The following PSD3 variants were observed in gnomAD, a reference collection of about 807,000 sequenced individuals.
PSD3 encodes PH and SEC7 domain-containing protein 3.
In PSD3, 49 loss-of-function variants were observed where a neutral mutation model predicts 105.5. The ratio of observed to expected loss-of-function variants is 0.46; its 90% CI spans 0.37 to 0.59. The LOEUF (loss-of-function observed/expected upper bound fraction) is 0.59. PSD3 is among the 20% of genes least tolerant of loss of function. The pLI is 0.00. For missense variants in PSD3, 1,561 were observed against 1,263.8 expected, an observed-to-expected ratio of 1.24 and a Z score of -3.57; for synonymous variants, 557 against 457.8, an observed-to-expected ratio of 1.22 and a Z score of -2.77.
At chr8:18,607,755 A>G (rs1250767101) in intron 11 of PSD3, among the ~76,000 whole-genome samples, 1 of 151,232 alleles carries the variant, frequency 6.6e-6, no homozygotes, top group Non-Finnish European at 1.5e-5. Context: ...GCTAATAAAG[A>G]TGTACCTATG....
chr8:18,592,755 A>G (rs947593860), intron 12 of PSD3, among the ~76,000 whole-genome samples: 1 of 152,122 alleles, frequency 6.6e-6, no homozygotes, highest in Admixed American at 6.6e-5. Flanking sequence ...CAGCAAAACT[A>G]CCCTTTAAAA....
In PSD3 at chr8:18,578,630, C is replaced by T. The variant is rs548409035; in HGVS notation, c.2482-3345G>A. Among the ~76,000 whole-genome samples, 70 of 152,038 alleles carry T rather than the reference C, an allele frequency of 4.6e-4. 2 individuals are homozygous for T. Among genetic ancestry groups the T allele is most frequent in the African/African-American group, 1.5e-3 (62 of 41,484 alleles). On this transcript the variant is annotated intron_variant, in intron 12 of 15. Coordinates refer to ENST00000327040, the MANE Select transcript of PSD3 (RefSeq NM_015310.4). Reference sequence around the variant, plus strand: ...ATTACTATTGAATGACTTAGACTGTCTCATTTGGAGCCACTATAAATATTC... The same window carrying T: ...ATTACTATTGAATGACTTAGACTGTTTCATTTGGAGCCACTATAAATATTC...
At chr8:18,643,640 G>T (rs991760674) in intron 10 of PSD3, among the ~76,000 whole-genome samples, 2 of 152,178 alleles carry the variant, frequency 1.3e-5, no homozygotes, top group African/African-American at 4.8e-5. Context: ...ACCAAATAGG[G>T]AAAACAACAT....
At chr8:18,862,537 C>CTGCT (rs1368734553) in intron 4 of PSD3, among the ~76,000 whole-genome samples, 17 of 152,118 alleles carry the variant, frequency 1.1e-4, no homozygotes, top group Non-Finnish European at 8.8e-5. Context: ...AGCCACAAGG[C>CTGCT]AGCAGACCTT....
chr8:18,651,779 G>C (rs1252952580), intron 10 of PSD3, among the ~76,000 whole-genome samples: 1 of 152,188 alleles, frequency 6.6e-6, no homozygotes, highest in South Asian at 2.1e-4. Context: ...TGTGAAGGAT[G>C]ATAGGCTTTG....
intron 1 of PSD3, among the ~76,000 whole-genome samples, chr8:18,987,597 C>A (rs908035541): frequency 2.0e-5 from 3 of 151,822 alleles, no homozygotes; most frequent in Non-Finnish European, 4.4e-5. Flanking sequence ...GGCAGAGGAT[C>A]ATTTGAAGCC....
At chr8:18,559,057 T>C (rs147429994) in intron 14 of PSD3, among the ~76,000 whole-genome samples, 1 of 152,314 alleles carries the variant, frequency 6.6e-6, no homozygotes, top group East Asian at 1.9e-4. Flanking sequence ...TTGTGGGATT[T>C]TTTTTCCCTG....
chr8:18,830,042 A>G (rs1813554493), intron 4 of PSD3, among the ~76,000 whole-genome samples: 2 of 152,108 alleles, frequency 1.3e-5, no homozygotes, highest in Admixed American at 1.3e-4. Flanking sequence ...ATCTCAGCTC[A>G]CTGTAACCTC....
intron 1 of PSD3, among the ~76,000 whole-genome samples, chr8:19,071,923 T>C (rs2129477963): frequency 6.6e-6 from 1 of 152,282 alleles, no homozygotes; most frequent in Non-Finnish European, 1.5e-5. Context: ...TTGGTCAGGC[T>C]GGTCTGGAAC....
At chr8:18,895,004 A>T (rs886816131) in intron 2 of PSD3, among the ~76,000 whole-genome samples, 1 of 152,242 alleles carries the variant, frequency 6.6e-6, no homozygotes, top group Non-Finnish European at 1.5e-5. Flanking sequence ...GTGACAGGCC[A>T]TGCTGTTACA....
chr8:18,741,542 G>C (rs1424880750), intron 9 of PSD3, among the ~76,000 whole-genome samples: 1 of 152,140 alleles, frequency 6.6e-6, no homozygotes, highest in Non-Finnish European at 1.5e-5. Flanking sequence ...CAAAGTATTT[G>C]GGAAATAGGA....
intron 4 of PSD3, among the ~76,000 whole-genome samples, chr8:18,812,694 T>G (rs912309733): frequency 1.3e-5 from 2 of 152,182 alleles, no homozygotes; most frequent in Non-Finnish European, 2.9e-5. Context: ...AGAAGTTCCA[T>G]TTTTGATGTG....
intron 1 of PSD3, among the ~76,000 whole-genome samples, chr8:19,049,520 C>T (rs1563530543): frequency 6.6e-6 from 1 of 151,808 alleles, no homozygotes; most frequent in Non-Finnish European, 1.5e-5. Context: ...CAAGACCCTA[C>T]CTCTGCAAAA....
At chr8:18,912,142 G>A (rs752510229) in intron 2 of PSD3, among the ~76,000 whole-genome samples, 7 of 152,150 alleles carry the variant, frequency 4.6e-5, no homozygotes, top group Admixed American at 1.3e-4. Flanking sequence ...GTCCATCTGA[G>A]AAGTTTTTGC....
intron 9 of PSD3, among the ~76,000 whole-genome samples, chr8:18,764,025 T>C (rs980414276): frequency 6.6e-6 from 1 of 152,214 alleles, no homozygotes; most frequent in Non-Finnish European, 1.5e-5. Context: ...CAGTAGCCTC[T>C]GGACTGTATA....
At position 18,600,393 on chromosome 8, in the gene PSD3, G is replaced by C; in HGVS notation, c.2452C>G (p.Leu818Val). The C allele has an allele frequency of 6.2e-7, 1 of 1,606,890 alleles. No individual in the cohort carries two copies. The highest frequency in any genetic ancestry group is 8.5e-7 in the Non-Finnish European group (1 of 1,178,278). Residue 818 changes from leucine (L) to valine (V), a missense_variant, in exon 12 of 16, where the codon CTG becomes GTG. Coordinates refer to ENST00000327040, the MANE Select transcript of PSD3 (RefSeq NM_015310.4). ...TGCAAGTAAAGAACTGTTCCCTTCA[G>C]TACAGCATAAAAGGTTTTCCATCCT... The part of the protein sequence containing the change: ...KRGWKTFYAV[L>V]KGTVLYLQKD...
At chr8:18,947,919 G>A (rs772942715) in intron 1 of PSD3, among the ~76,000 whole-genome samples, 1 of 152,154 alleles carries the variant, frequency 6.6e-6, no homozygotes, top group African/African-American at 2.4e-5. Flanking sequence ...ACTAAAGTAG[G>A]ATAGAGGGAT....
At chr8:18,956,555 A>T (rs1823586373) in intron 1 of PSD3, among the ~76,000 whole-genome samples, 1 of 152,204 alleles carries the variant, frequency 6.6e-6, no homozygotes, top group African/African-American at 2.4e-5. Flanking sequence ...AAGGTTTCTG[A>T]GCAAGGGAGA....
At chr8:18,721,420 C>T (rs1396108326) in intron 9 of PSD3, among the ~76,000 whole-genome samples, 1 of 152,142 alleles carries the variant, frequency 6.6e-6, no homozygotes, top group East Asian at 1.9e-4. Context: ...CCACCCAAGA[C>T]CAGGAACTGC....
Sources: allele counts gnomAD v4.1 joint callset (sites outside exome capture counted in the v4.1 genomes callset), GRCh38; gene constraint gnomAD v4.1.1; transcripts MANE v1.5; gene names NCBI Gene and HGNC (gene_info 2026-07-23, HGNC 2026-07-21).